The following BRAF variants were observed in gnomAD, a reference collection of about 807,000 sequenced individuals.
BRAF encodes B-Raf proto-oncogene, serine/threonine kinase.
In BRAF, 16 loss-of-function variants were observed where a neutral mutation model predicts 104.6. That is an observed-to-expected ratio of 0.15 (90% CI 0.10 to 0.23). The LOEUF is 0.23. Among genes scored for constraint, BRAF ranks in the 10% least tolerant of loss-of-function variants. The pLI is 1.00. For synonymous variants in BRAF, 310 were observed against 341.6 expected (o/e 0.91, Z 1.02); for missense variants, 541 against 937.3 (o/e 0.58, Z 5.52).
chr7:140,783,372 A>C, intron 10 of BRAF: 1 of 552,994 alleles, frequency 1.8e-6, no homozygotes, highest in South Asian at 2.4e-5. Context: ...GACCTTTAAG[A>C]TATCTGATGA....
rs1795533493 is a variant in BRAF, at chr7:140,725,215, T to G, written c.*1279A>C. Reference sequence around the variant, plus strand: ...ACTAGAAAGAAGATGTGGGATATAGTGTTAGGAATCAGTTGGAAGAAACAA... The same window carrying G: ...ACTAGAAAGAAGATGTGGGATATAGGGTTAGGAATCAGTTGGAAGAAACAA... On this transcript the variant is annotated 3_prime_UTR_variant, in exon 20 of 20. Transcript: ENST00000644969. 9.6e-7 allele frequency: 1 copy of G among 1,043,888 alleles called. No individual in the cohort carries two copies. Among genetic ancestry groups the G allele is most frequent in the African/African-American group, 1.7e-5 (1 of 59,980 alleles). The allele number at this position is 1,043,888 out of a possible 1,614,324, so 64.7% of individuals were successfully genotyped here. A position where few individuals can be genotyped will look rare whatever the true frequency, so the allele number is the denominator to read the frequency against.
chr7:140,909,243 T>TG (rs1168220510), intron 1 of BRAF, among the ~76,000 whole-genome samples: 1 of 151,972 alleles, frequency 6.6e-6, no homozygotes, highest in Non-Finnish European at 1.5e-5. Context: ...CTGACCAACA[T>TG]GGAAAACCCC....
intron 1 of BRAF, among the ~76,000 whole-genome samples, chr7:140,909,561 A>G (rs1190837175): frequency 6.6e-6 from 1 of 152,242 alleles, no homozygotes; most frequent in African/African-American, 2.4e-5. Flanking sequence ...TGTGGCAGTT[A>G]CAACTGCAGA....
chr7:140,847,320 C>T (rs865959099), intron 2 of BRAF, among the ~76,000 whole-genome samples: 4 of 152,066 alleles, frequency 2.6e-5, no homozygotes, highest in African/African-American at 7.2e-5. Flanking sequence ...CGGTGGCTCA[C>T]GCCTGTAATC....
intron 3 of BRAF, among the ~76,000 whole-genome samples, chr7:140,831,648 C>G (rs1029816930): frequency 6.6e-6 from 1 of 152,170 alleles, no homozygotes; most frequent in Admixed American, 6.5e-5. Flanking sequence ...ACTGGGGACT[C>G]AGGACTCAGC....
At chr7:140,913,928 T>C (rs1440603032) in intron 1 of BRAF, among the ~76,000 whole-genome samples, 3 of 152,224 alleles carry the variant, frequency 2.0e-5, no homozygotes, top group South Asian at 2.1e-4. Flanking sequence ...CCACTTCATG[T>C]TTCTTTAATT....
intron 18 of BRAF, 71 bp from the exon 18 acceptor site, chr7:140,734,841 A>G (rs1796281722): frequency 6.9e-7 from 1 of 1,457,202 alleles, no homozygotes; most frequent in South Asian, 1.3e-5. Context: ...AGAAAAAGAA[A>G]AAACAGAAAG....
Position 140,778,076 on chromosome 7 carries a change from C to CTAAAAA in BRAF, c.1553-2_1553-1insTTTTTA. On this transcript the variant is annotated splice_acceptor_variant, in intron 12 of 19. Transcript: ENST00000644969. LOFTEE classifies it high-confidence loss of function. ...TTCAACATTTTCACTGCCACATCAC[C>CTAAAAA]TAAAAGGCAATTGTTACTCCAAGTG... The CTAAAAA allele has an allele frequency of 6.2e-7, 1 of 1,613,166 alleles. No individual in the cohort carries two copies. The highest frequency in any genetic ancestry group is 8.5e-7 in the Non-Finnish European group (1 of 1,179,616).
chr7:140,749,412 C>T lies in BRAF; in HGVS notation c.1987G>A (p.Glu663Lys), dbSNP rs1425139763. Reference protein sequence around the residue: ...LSGSILWMAPEVIRMQDKNPY... With the variant: ...LSGSILWMAPKVIRMQDKNPY... The stretch of plus-strand genomic sequence containing the variant: ...TTTTTATCTTGCATTCTGATGACTT[C>T]TGGTGCCTGTTAGAACATACAAAGA... The change falls in exon 17 of 20, where the codon GAA becomes AAA. Residue 663 changes from glutamate to lysine, a missense_variant. Glu to Lys is a moderately conservative substitution (Grantham distance 56). Transcript: ENST00000644969. 6.2e-7 allele frequency: 1 copy of T among 1,612,894 alleles called. No homozygotes were observed. Among genetic ancestry groups the T allele is most frequent in the South Asian group, 1.1e-5 (1 of 91,052 alleles).
chr7:140,735,992 G>A (rs1164241710), intron 18 of BRAF, among the ~76,000 whole-genome samples: 3 of 151,316 alleles, frequency 2.0e-5, no homozygotes, highest in Non-Finnish European at 4.4e-5. Context: ...AAATACTATA[G>A]AAATGTATAA....
In BRAF at chr7:140,720,970, T is replaced by C; in HGVS notation, c.*5524A>G. On this transcript the variant is annotated 3_prime_UTR_variant, in exon 20 of 20. Transcript: ENST00000644969. Reference sequence around the variant, plus strand: ...GCGGTCACGGTGCTGGAGAATGAACTCGGCTGGCCGGGAGAAGCAGATGGT... The same window carrying C: ...GCGGTCACGGTGCTGGAGAATGAACCCGGCTGGCCGGGAGAAGCAGATGGT... 1 of 1,064,972 alleles carries C rather than the reference T, an allele frequency of 9.4e-7. No individual in the cohort carries two copies. The highest frequency in any genetic ancestry group is 5.3e-5 in the Admixed American group (1 of 18,750). 66.0% of individuals were successfully genotyped at this position (1,064,972 alleles called of 1,614,324 possible). A position where few individuals can be genotyped will look rare whatever the true frequency, so the allele number is the denominator to read the frequency against.
intron 3 of BRAF, among the ~76,000 whole-genome samples, chr7:140,820,806 C>T (rs530801812): frequency 1.8e-4 from 28 of 152,230 alleles, no homozygotes; most frequent in African/African-American, 6.5e-4. Context: ...GCATGGCACA[C>T]GCCTGTGGTC....
intron 1 of BRAF, among the ~76,000 whole-genome samples, chr7:140,916,381 C>A (rs891594948): frequency 3.3e-5 from 5 of 152,118 alleles, no homozygotes; most frequent in Admixed American, 6.5e-5. Flanking sequence ...TTAATGATGC[C>A]CCTAAGATTC....
At chr7:140,743,764 G>T (rs1270345197) in intron 17 of BRAF, among the ~76,000 whole-genome samples, 5 of 151,514 alleles carry the variant, frequency 3.3e-5, no homozygotes, top group African/African-American at 1.2e-4. Context: ...CCTAACTATA[G>T]TATACATTGT....
rs151068747 is a variant in BRAF, at chr7:140,835,044, A to G, written c.241-172T>C. On this transcript the variant is annotated intron_variant, in intron 2 of 19. Coordinates refer to ENST00000644969, the MANE Select transcript of BRAF (RefSeq NM_001374258.1). ...TATAAATGAATACTTTCACCTTTAA[A>G]TTGATAAATTCTTTGTTATTAGACA... 1.3e-3 allele frequency: 931 copies of G among 707,872 alleles called. 5 individuals carry two copies. The African/African-American group carries it at 0.015, about 11-fold the overall frequency. The allele number at this position is 707,872 out of a possible 1,614,324, so 43.8% of individuals were successfully genotyped here.
At chr7:140,749,731 T>C (rs529617684) in intron 16 of BRAF, among the ~76,000 whole-genome samples, 11 of 152,306 alleles carry the variant, frequency 7.2e-5, no homozygotes, top group African/African-American at 2.6e-4. Flanking sequence ...CTTACCCTAT[T>C]AGAATCAGTT....
intron 7 of BRAF, chr7:140,799,562 T>C (rs1802868668): frequency 4.3e-6 from 1 of 232,336 alleles, no homozygotes; most frequent in Admixed American, 5.6e-5. Flanking sequence ...ATCTGTTTAT[T>C]CCCTTTATAT....
At chr7:140,893,147 G>A (rs764870550) in intron 1 of BRAF, among the ~76,000 whole-genome samples, 8 of 152,104 alleles carry the variant, frequency 5.3e-5, no homozygotes, top group Non-Finnish European at 8.8e-5. Context: ...TATTCCCAGG[G>A]TAGAGAACAC....
In BRAF at chr7:140,725,644, G is replaced by C; in HGVS notation, c.*850C>G. On this transcript the variant is annotated 3_prime_UTR_variant, in exon 20 of 20. Coordinates refer to ENST00000644969, the MANE Select transcript of BRAF (RefSeq NM_001374258.1). ...CCGCATAAGTAGTTGGTGACTGGAAGAGCATAGGAGGAAGATATAAACTGT... is the reference window on the plus strand; with the variant it reads ...CCGCATAAGTAGTTGGTGACTGGAACAGCATAGGAGGAAGATATAAACTGT... 1 of 1,058,370 alleles carries C rather than the reference G, an allele frequency of 9.4e-7. No homozygotes were observed. The highest frequency in any genetic ancestry group is 4.6e-5 in the South Asian group (1 of 21,908). The allele number at this position is 1,058,370 out of a possible 1,614,324, so 65.6% of individuals were successfully genotyped here. A position where few individuals can be genotyped will look rare whatever the true frequency, so the allele number is the denominator to read the frequency against.
Sources: allele counts gnomAD v4.1 joint callset (sites outside exome capture counted in the v4.1 genomes callset), GRCh38; gene constraint gnomAD v4.1.1; transcripts MANE v1.5; gene names NCBI Gene and HGNC (gene_info 2026-07-23, HGNC 2026-07-21).